The following CDH13 variants were observed in gnomAD, a reference collection of about 807,000 sequenced individuals.
CDH13 encodes the protein cadherin-13.
Under a neutral mutation model 63.8 loss-of-function variants are expected in CDH13, and 24 were observed. The observed-to-expected ratio is 0.38, with a 90% CI of 0.27 to 0.53. CDH13 has a LOEUF of 0.53. Among genes scored for constraint, CDH13 ranks in the 20% least tolerant of loss-of-function variants. CDH13 has a pLI of 0.85. For synonymous variants in CDH13, 503 were observed against 355.3 expected (o/e 1.42, Z -4.67); for missense variants, 1,049 against 903.1 (o/e 1.16, Z -2.07).
intron 5 of CDH13, among the ~76,000 whole-genome samples, chr16:83,314,728 T>G (rs144230338): frequency 6.6e-6 from 1 of 152,330 alleles, no homozygotes; most frequent in African/African-American, 2.4e-5. Context: ...ATTTTACTGA[T>G]TTCATGGGTA....
In CDH13 at chr16:82,644,958, C is replaced by T. The variant is rs895985284; in HGVS notation, c.45+17821C>T. Among the ~76,000 whole-genome samples, 9 of 152,154 alleles carry T rather than the reference C, an allele frequency of 5.9e-5. No homozygotes were observed. The highest frequency in any genetic ancestry group is 1.2e-4 in the Non-Finnish European group (8 of 68,040). On this transcript the variant is annotated intron_variant, in intron 1 of 13. Coordinates refer to ENST00000567109, the MANE Select transcript of CDH13 (RefSeq NM_001257.5). This position sits in a 1 kb window ranked among gnomAD's most constrained non-coding sequence, Gnocchi z 5.7. ...TTGTATAAACTAATATTTTGGAAAA[C>T]TCTGGAGTTAGAGAAGTGGACCAGA...
chr16:82,712,544 C>T (rs1342008944), intron 1 of CDH13, among the ~76,000 whole-genome samples: 1 of 152,186 alleles, frequency 6.6e-6, no homozygotes, highest in African/African-American at 2.4e-5. Flanking sequence ...AAACTCACTA[C>T]CCTGTGCCCC....
intron 2 of CDH13, among the ~76,000 whole-genome samples, chr16:82,970,382 CTTTTTTTTTTT>C (rs558393653): frequency 6.5e-5 from 5 of 76,746 alleles, no homozygotes; most frequent in Non-Finnish European, 1.3e-4. Context: ...AGTGCATATT[CTTTTTTTTTTT>C]TTTTTTTTTT....
At chr16:82,837,362 C>T (rs905601577) in intron 1 of CDH13, among the ~76,000 whole-genome samples, 7 of 152,120 alleles carry the variant, frequency 4.6e-5, no homozygotes, top group African/African-American at 1.7e-4. Context: ...TGGCACAGAA[C>T]AAATGAATGA....
chr16:83,102,449 C>T (rs1288532186), intron 3 of CDH13, among the ~76,000 whole-genome samples: 4 of 152,108 alleles, frequency 2.6e-5, no homozygotes, highest in Non-Finnish European at 5.9e-5. Context: ...TGCCAGTGTG[C>T]CTGGACTGAG....
At chr16:83,093,535 G>A (rs530340478) in intron 3 of CDH13, among the ~76,000 whole-genome samples, 1 of 151,914 alleles carries the variant, frequency 6.6e-6, no homozygotes, top group East Asian at 1.9e-4. Context: ...GGCCAGCCTG[G>A]TCTCGAACTC....
chr16:83,780,267 T>C (rs754218574), intron 12 of CDH13, 66 bp downstream of exon 12: 11 of 1,108,456 alleles, frequency 9.9e-6, no homozygotes, highest in Non-Finnish European at 1.2e-5. Context: ...TTTCCCAAAA[T>C]GCTGTTTCTC....
intron 3 of CDH13, among the ~76,000 whole-genome samples, chr16:83,112,555 C>G (rs193037425): frequency 6.6e-6 from 1 of 152,264 alleles, no homozygotes; most frequent in East Asian, 1.9e-4. Context: ...GTAATTAACC[C>G]TTTATCTCTT....
At chr16:82,818,184 T>C (rs1345669260) in intron 1 of CDH13, among the ~76,000 whole-genome samples, 1 of 152,042 alleles carries the variant, frequency 6.6e-6, no homozygotes, top group Non-Finnish European at 1.5e-5. Flanking sequence ...GTAGTTTCCC[T>C]TCTTAAGTAG....
intron 8 of CDH13, among the ~76,000 whole-genome samples, chr16:83,631,997 C>G: frequency 6.6e-6 from 1 of 152,160 alleles, no homozygotes; most frequent in East Asian, 1.9e-4. Context: ...GACATTCCAG[C>G]AAGGAAGCAG....
At chr16:83,036,877 C>G (rs1460910608) in intron 3 of CDH13, among the ~76,000 whole-genome samples, 1 of 152,130 alleles carries the variant, frequency 6.6e-6, no homozygotes, top group Non-Finnish European at 1.5e-5. Context: ...AAGCCAGGGT[C>G]CAGCATCCCA....
chr16:83,324,729 G>C (rs533484296), intron 5 of CDH13, among the ~76,000 whole-genome samples: 3 of 152,126 alleles, frequency 2.0e-5, no homozygotes, highest in African/African-American at 4.8e-5. Flanking sequence ...TTGTGTGTGG[G>C]GACACATGTT....
chr16:83,340,305 A>AGTATGT (rs1555532369), intron 5 of CDH13, among the ~76,000 whole-genome samples: 1 of 150,282 alleles, frequency 6.7e-6, no homozygotes, highest in Non-Finnish European at 1.5e-5. Context: ...CCTACATCTG[A>AGTATGT]GTGTGTGTGT....
rs533234642 is a variant in CDH13, at chr16:83,266,618, G to A, written c.636+49121G>A. 2.6e-5 allele frequency among the ~76,000 whole-genome samples: 4 copies of A among 152,252 alleles called. No homozygotes were observed. In the South Asian group the frequency reaches 6.2e-4, roughly 24 times the overall value. On this transcript the variant is annotated intron_variant, in intron 5 of 13. Transcript: ENST00000567109. Reference sequence around the variant, plus strand: ...CACTCCAGGGAATACCTAAAAAATGGAAAAGGTAGACTGTGCCCTTTACTA... The same window carrying A: ...CACTCCAGGGAATACCTAAAAAATGAAAAAGGTAGACTGTGCCCTTTACTA...
chr16:83,326,241 G>A (rs1597753388), intron 5 of CDH13, among the ~76,000 whole-genome samples: 1 of 151,998 alleles, frequency 6.6e-6, no homozygotes, highest in African/African-American at 2.4e-5. Flanking sequence ...TATTCTTCCT[G>A]GAAATTTCTT....
Position 83,110,877 on chromosome 16 carries a change from A to G in CDH13, c.367-14508A>G, listed in dbSNP as rs1232021985. Among the ~76,000 whole-genome samples the G allele has an allele frequency of 2.0e-5, 3 of 152,112 alleles. No homozygotes were observed. In the East Asian group the frequency reaches 5.8e-4, roughly 30 times the overall value. On this transcript the variant is annotated intron_variant, in intron 3 of 13. Coordinates refer to ENST00000567109, the MANE Select transcript of CDH13 (RefSeq NM_001257.5). ...CCCCAAAACCCTGGGACCTTGGGTTAGACTTGGACTTTTCCTGTTTTCTTG... is the reference window on the plus strand; with the variant it reads ...CCCCAAAACCCTGGGACCTTGGGTTGGACTTGGACTTTTCCTGTTTTCTTG...
chr16:83,567,041 T>A (rs1227853619), intron 7 of CDH13, among the ~76,000 whole-genome samples: 2 of 152,174 alleles, frequency 1.3e-5, no homozygotes, highest in African/African-American at 2.4e-5. Flanking sequence ...TGTGCTTCTG[T>A]CCTGCCTGTG....
intron 1 of CDH13, among the ~76,000 whole-genome samples, chr16:82,697,861 A>C (rs759791116): frequency 1.4e-4 from 22 of 152,098 alleles, no homozygotes; most frequent in Non-Finnish European, 2.2e-4. Context: ...ACTGCTGATA[A>C]TAGCTTGTAA....
At chr16:83,595,537 T>C (rs992760541) in intron 7 of CDH13, among the ~76,000 whole-genome samples, 5 of 152,168 alleles carry the variant, frequency 3.3e-5, no homozygotes, top group Non-Finnish European at 7.3e-5. Context: ...ACCTAAAAAA[T>C]GGCTTATGTC....
Sources: gnomAD v4.1 joint callset for allele counts (sites outside exome capture counted in the v4.1 genomes callset) on GRCh38, gnomAD v4.1.1 for gene constraint, Gnocchi (gnomAD v3.1) non-coding constraint, MANE v1.5 for transcripts, NCBI Gene and HGNC (gene_info 2026-07-23, HGNC 2026-07-21) for gene names.